Variants in ARNT observed in about 807,000 individuals in gnomAD.
ARNT encodes aryl hydrocarbon receptor nuclear translocator.
In ARNT, 30 loss-of-function variants were observed where a neutral mutation model predicts 105.0. The observed-to-expected ratio is 0.29, with a 90% CI of 0.21 to 0.39. ARNT has a LOEUF of 0.39. ARNT is among the 10% of genes least tolerant of loss of function. The pLI, the probability that ARNT is intolerant of heterozygous loss-of-function variation, is 1.00. For missense variants in ARNT, 748 were observed against 978.7 expected (o/e 0.76, Z 3.15); for synonymous variants, 304 against 344.0 (o/e 0.88, Z 1.29).
chr1:150,852,830 C>T (rs761774210), intron 2 of ARNT, 24 bp from the exon 3 acceptor site: 1 of 1,613,770 alleles, frequency 6.2e-7, no homozygotes, highest in Non-Finnish European at 8.5e-7. Context: ...ACAATAAATA[C>T]TTTAAGCCTG....
Position 150,826,616 on chromosome 1 carries a change from T to A in ARNT, c.1169A>T (p.Glu390Val). ...CVATVGYQPQ[E>V]LLGKNIVEFC... Reference sequence around the variant, plus strand: ...TTCTACAATATTCTTTCCTAAGAGTTCCTAGAATACAGAAAGAAGAGTAAG... The same window carrying A: ...TTCTACAATATTCTTTCCTAAGAGTACCTAGAATACAGAAAGAAGAGTAAG... Residue 390 changes from glutamate to valine, a missense_variant and splice_region_variant, in exon 13 of 22, where the codon GAA (glutamate) becomes GTA (valine). By Grantham distance (121) the Glu-to-Val change is moderately radical. Coordinates refer to ENST00000358595, the MANE Select transcript of ARNT (RefSeq NM_001668.4). 6.2e-7 allele frequency: 1 copy of A among 1,607,364 alleles called. No homozygotes were observed. Among genetic ancestry groups the A allele is most frequent in the Non-Finnish European group, 8.5e-7 (1 of 1,174,920 alleles).
intron 3 of ARNT, among the ~76,000 whole-genome samples, chr1:150,851,369 C>G (rs1663489445): frequency 6.6e-6 from 1 of 152,208 alleles, no homozygotes; most frequent in African/African-American, 2.4e-5. Flanking sequence ...TACCCAACAG[C>G]TCATTGAGAA....
In ARNT at chr1:150,836,356, T is replaced by C. The variant is rs758816624; in HGVS notation, c.624A>G (p.Thr208=). The C allele has an allele frequency of 3.1e-6, 5 of 1,613,916 alleles. No individual in the cohort carries two copies. The highest frequency in any genetic ancestry group is 4.5e-5 in the East Asian group (2 of 44,882). The change falls in exon 7 of 22, where the codon ACA becomes ACG. Residue 208 remains threonine (T), a synonymous_variant. Coordinates refer to ENST00000358595, the MANE Select transcript of ARNT (RefSeq NM_001668.4). ...CATCTGGGTGCACCTGATCATAGAG[T>C]GTGCTGCCAAACCATTCAGACTGTG... is the stretch of plus-strand genomic sequence containing the variant. ...NQPQSEWFGS[T]LYDQVHPDDV...
In ARNT at chr1:150,816,356, G is replaced by T; in HGVS notation, c.1853C>A (p.Ala618Glu). Reference sequence around the variant, plus strand: ...GGAAATCTGGGCCAACATCTGTCCTGCAGAAGCTGATGGCTGGACAATGGT... The same window carrying T: ...GGAAATCTGGGCCAACATCTGTCCTTCAGAAGCTGATGGCTGGACAATGGT... Reference protein sequence around the residue: ...PVTIVQPSASAGQMLAQISRH... With the variant: ...PVTIVQPSASEGQMLAQISRH... The change falls in exon 19 of 22, where the codon GCA becomes GAA. Residue 618 changes from alanine (A) to glutamate (E), a missense_variant. Ala to Glu is a moderately radical substitution (Grantham distance 107). Transcript: ENST00000358595. 1 of 1,609,436 alleles carries T rather than the reference G, an allele frequency of 6.2e-7. No individual in the cohort carries two copies. Among genetic ancestry groups the T allele is most frequent in the Non-Finnish European group, 8.5e-7 (1 of 1,178,786 alleles).
chr1:150,838,639 CTTGA>C (rs1363433013), intron 6 of ARNT, among the ~76,000 whole-genome samples: 4 of 152,214 alleles, frequency 2.6e-5, no homozygotes, highest in Non-Finnish European at 4.4e-5. Context: ...TAAGGGAATA[CTTGA>C]TTGATACTGA....
In ARNT at chr1:150,836,507, A is replaced by C. The variant is rs778352126; in HGVS notation, c.487-14T>G. Reference sequence around the variant, plus strand: ...ATGTTTCAGTTCCTGCGCAAGAAAAAGAAATAGAAGTTAATATTTTACTCT... The same window carrying C: ...ATGTTTCAGTTCCTGCGCAAGAAAACGAAATAGAAGTTAATATTTTACTCT... On this transcript the variant is annotated splice_polypyrimidine_tract_variant and intron_variant, in intron 6 of 21. Transcript: ENST00000358595. The C allele has an allele frequency of 1.2e-6, 2 of 1,610,432 alleles. No homozygotes were observed. The highest frequency in any genetic ancestry group is 1.3e-5 in the African/African-American group (1 of 74,738).
At chr1:150,831,926 A>T in intron 9 of ARNT, 23 bp from the exon 10 acceptor site, 3 of 351,716 alleles carry the variant, frequency 8.5e-6, no homozygotes, top group Non-Finnish European at 1.2e-5. Flanking sequence ...CAGGAGTTTG[A>T]AAAAAAAAAA....
intron 1 of ARNT, among the ~76,000 whole-genome samples, chr1:150,865,906 A>C (rs1021558256): frequency 5.9e-5 from 9 of 151,914 alleles, no homozygotes; most frequent in African/African-American, 2.2e-4. Flanking sequence ...TATTTCACTA[A>C]TTGATAGTTT....
intron 1 of ARNT, among the ~76,000 whole-genome samples, chr1:150,864,157 G>A (rs748763301): frequency 6.6e-6 from 1 of 152,146 alleles, no homozygotes; most frequent in Non-Finnish European, 1.5e-5. Context: ...AACTATTTAT[G>A]TATCTAAACA....
Position 150,831,803 on chromosome 1 carries a change from A to G in ARNT, c.955+15T>C, listed in dbSNP as rs1184292371. 1.9e-6 allele frequency: 3 copies of G among 1,591,796 alleles called. No individual in the cohort carries two copies. Among genetic ancestry groups the G allele is most frequent in the Admixed American group, 1.7e-5 (1 of 57,704 alleles). On this transcript the variant is annotated intron_variant, in intron 10 of 21. Transcript: ENST00000358595. ...ACTGTACCAAGGGGAAATATTTACTATTTCACTTTCTTACCTGCTGGGGGC... is the reference window on the plus strand; with the variant it reads ...ACTGTACCAAGGGGAAATATTTACTGTTTCACTTTCTTACCTGCTGGGGGC...
chr1:150,811,458 GCACA>G lies in ARNT; in HGVS notation c.*559_*562del, dbSNP rs58630631. On this transcript the variant is annotated 3_prime_UTR_variant, in exon 22 of 22. Transcript: ENST00000358595. ...GAGTGAAATACAGAAGCATGTGTGC[GCACA>G]CACACACACACACACATACACACAC... 2,938 of 228,978 alleles carry G rather than the reference GCACA, an allele frequency of 0.013. 28 individuals are homozygous for G. Among genetic ancestry groups the G allele is most frequent in the Non-Finnish European group, 0.019 (2,149 of 115,792 alleles). 14.2% of individuals were successfully genotyped at this position (228,978 alleles called of 1,614,324 possible). A position where few individuals can be genotyped will look rare whatever the true frequency, so the allele number is the denominator to read the frequency against.
chr1:150,852,864 G>A, intron 2 of ARNT, 58 bp from the exon 3 acceptor site: 2 of 1,599,302 alleles, frequency 1.3e-6, no homozygotes, highest in African/African-American at 1.3e-5. Context: ...ACATTAAGAA[G>A]TTAAAATTTC....
At chr1:150,846,939 T>C (rs1314556623) in intron 3 of ARNT, among the ~76,000 whole-genome samples, 1 of 152,210 alleles carries the variant, frequency 6.6e-6, no homozygotes, top group Non-Finnish European at 1.5e-5. Flanking sequence ...TTGCAGCATA[T>C]GACAGGTTCT....
At chr1:150,841,859 G>A (rs1458985988) in intron 5 of ARNT, among the ~76,000 whole-genome samples, 1 of 152,172 alleles carries the variant, frequency 6.6e-6, no homozygotes, top group African/African-American at 2.4e-5. Flanking sequence ...CAGAAACCTG[G>A]TCTTTTAAAT....
At position 150,813,338 on chromosome 1, in the gene ARNT, G is replaced by C; in HGVS notation, c.2114C>G (p.Ala705Gly). The C allele has an allele frequency of 6.2e-7, 1 of 1,602,776 alleles. No individual in the cohort carries two copies. Among genetic ancestry groups the C allele is most frequent in the Non-Finnish European group, 8.5e-7 (1 of 1,173,856 alleles). ...TCCTGCAGTCTGTCCAGTCTCAGGA[G>C]CTAGAAATACAGCAAGGAAGAATAA... ...PSLTNRGSNF[A>G]PETGQTAGQF... The change falls in exon 21 of 22, where the codon GCT (alanine) becomes GGT (glycine). Residue 705 changes from alanine to glycine, a missense_variant and splice_region_variant. Transcript: ENST00000358595.
At chr1:150,862,547 T>C (rs1665813750) in intron 1 of ARNT, among the ~76,000 whole-genome samples, 1 of 149,634 alleles carries the variant, frequency 6.7e-6, no homozygotes, top group African/African-American at 2.4e-5. Flanking sequence ...AAGCATATGT[T>C]ACTTTCCTAA....
At chr1:150,864,771 AAT>A (rs1491040647) in intron 1 of ARNT, among the ~76,000 whole-genome samples, 19 of 69,516 alleles carry the variant, frequency 2.7e-4, no homozygotes, top group Non-Finnish European at 5.4e-4. Flanking sequence ...ATAAAAAATA[AAT>A]AAATAAATAA....
In ARNT at chr1:150,822,407, G is replaced by A. The variant is rs587725035; in HGVS notation, c.1394+787C>T. Among the ~76,000 whole-genome samples the A allele has an allele frequency of 1.1e-4, 16 of 152,242 alleles. No homozygotes were observed. The South Asian group carries it at 3.1e-3, about 30-fold the overall frequency. Reference sequence around the variant, plus strand: ...CTAACCCTCAACCTCATGGAGGGGAGCCGGTACCTAAGGTTAAGTTGATTA... The same window carrying A: ...CTAACCCTCAACCTCATGGAGGGGAACCGGTACCTAAGGTTAAGTTGATTA... On this transcript the variant is annotated intron_variant, in intron 14 of 21. Coordinates refer to ENST00000358595, the MANE Select transcript of ARNT (RefSeq NM_001668.4).
At chr1:150,864,478 T>C (rs1666189293) in intron 1 of ARNT, among the ~76,000 whole-genome samples, 1 of 151,596 alleles carries the variant, frequency 6.6e-6, no homozygotes, top group Admixed American at 6.6e-5. Flanking sequence ...TGGACGAAAT[T>C]GGAAATCATC....
Sources: allele counts gnomAD v4.1 joint callset (sites outside exome capture counted in the v4.1 genomes callset), GRCh38; gene constraint gnomAD v4.1.1; transcripts MANE v1.5; gene names NCBI Gene and HGNC (gene_info 2026-07-23, HGNC 2026-07-21).